CELSR1: variants seen among roughly 807,000 people sequenced by gnomAD.
The protein encoded by CELSR1 is cadherin EGF LAG seven-pass G-type receptor 1, also known as adhesion G protein-coupled receptor C1.
Under a neutral mutation model 249.1 loss-of-function variants are expected in CELSR1, and 110 were observed. The ratio of observed to expected loss-of-function variants is 0.44; its 90% confidence interval spans 0.38 to 0.52. CELSR1 has a LOEUF of 0.52. CELSR1 is among the 20% of genes least tolerant of loss of function. The pLI is 0.00. For missense variants in CELSR1, 4,109 were observed against 4,296.4 expected (o/e 0.96, Z 1.22); for synonymous variants, 2,113 against 1,900.0 (o/e 1.11, Z -2.92).
rs1043910794 is a variant in CELSR1 at position 46,447,011 on chromosome 22, G to A, written c.4184-7600C>T. On this transcript the variant is annotated intron_variant, in intron 2 of 34. Transcript: ENST00000674500. The surrounding 1 kb of genome is among the most constrained non-coding windows in gnomAD (Gnocchi z 4.7). Reference sequence around the variant, plus strand: ...TGCACAGAAGATAAAGTTAAGCAAAGCGGGAGTGGATTACAGTACTGTTTA... The same window carrying A: ...TGCACAGAAGATAAAGTTAAGCAAAACGGGAGTGGATTACAGTACTGTTTA... Among the ~76,000 whole-genome samples, 2 of 152,160 alleles carry A rather than the reference G, an allele frequency of 1.3e-5. No individual in the cohort carries two copies. The highest frequency in any genetic ancestry group is 4.8e-5 in the African/African-American group (2 of 41,516).
At position 46,396,570 on chromosome 22, in the gene CELSR1, T is replaced by C. The variant is rs763889196; in HGVS notation, c.5843+35A>G. ...CGAGGGAACACAGCCACATGGACTC[T>C]GAAGGTGCAGGGAGGCACCAGGGGC... On this transcript the variant is annotated intron_variant, in intron 13 of 34. Transcript: ENST00000674500. This position sits in a 1 kb window ranked among gnomAD's most constrained non-coding sequence, Gnocchi z 6.4. The C allele has an allele frequency of 6.6e-7, 1 of 1,506,440 alleles. No individual in the cohort carries two copies. Among genetic ancestry groups the C allele is most frequent in the Non-Finnish European group, 8.8e-7 (1 of 1,130,264 alleles). The allele number at this position is 1,506,440 out of a possible 1,614,324, so 93.3% of individuals were successfully genotyped here.
rs905810877 is a variant in CELSR1 at position 46,440,512 on chromosome 22, T to C, written c.4184-1101A>G. ...CCGCGCCCGGCCAGTATGATCAATCTTTAAAATATTTTGCATCTCTGACAA... is the reference window on the plus strand; with the variant it reads ...CCGCGCCCGGCCAGTATGATCAATCCTTAAAATATTTTGCATCTCTGACAA... On this transcript the variant is annotated intron_variant, in intron 2 of 34. Coordinates refer to ENST00000674500, the MANE Select transcript of CELSR1 (RefSeq NM_001378328.1). The surrounding 1 kb of genome is among the most constrained non-coding windows in gnomAD (Gnocchi z 4.7). Among the ~76,000 whole-genome samples the C allele has an allele frequency of 5.3e-5, 8 of 152,248 alleles. No homozygotes were observed. Among genetic ancestry groups the C allele is most frequent in the African/African-American group, 1.9e-4 (8 of 41,470 alleles).
At chr22:46,531,185 T>TTTTTTTTA (rs765028338) in intron 1 of CELSR1, among the ~76,000 whole-genome samples, 1 of 147,944 alleles carries the variant, frequency 6.8e-6, no homozygotes, top group Non-Finnish European at 1.5e-5. Context: ...CTGCGCATCC[T>TTTTTTTTA]TTTATTTATT....
Position 46,534,023 on chromosome 22 carries a change from C to T in CELSR1, c.3148G>A (p.Asp1050Asn), listed in dbSNP as rs772486959. The T allele has an allele frequency of 1.9e-6, 3 of 1,613,720 alleles. No individual in the cohort carries two copies. The highest frequency in any genetic ancestry group is 2.5e-6 in the Non-Finnish European group (3 of 1,180,038). ...GCACGCAGGTCCCCGTTGAGCAGGT[C>T]CAGCTGGAAGAAATGCCGCATGTCC... ...EGDMRHFFQL[D>N]LLNGDLRAMV... Residue 1050 changes from aspartate (D) to asparagine (N), a missense_variant, in exon 1 of 35, where the codon GAC becomes AAC. Around this residue, in one of 7 missense-constraint regions of CELSR1, gnomAD observed 886 missense variants for 896.5 expected, o/e 0.99. Coordinates refer to ENST00000674500, the MANE Select transcript of CELSR1 (RefSeq NM_001378328.1). The surrounding 1 kb of genome is among the most constrained non-coding windows in gnomAD (Gnocchi z 9.7).
chr22:46,377,677 T>A (rs1276301288), intron 23 of CELSR1: 1 of 221,906 alleles, frequency 4.5e-6, no homozygotes, highest in Non-Finnish European at 9.1e-6. Context: ...ATGAACAAAC[T>A]CCACTAATCA....
At chr22:46,385,179 C>T (rs1483395974) in intron 19 of CELSR1, among the ~76,000 whole-genome samples, 7 of 152,200 alleles carry the variant, frequency 4.6e-5, no homozygotes, top group African/African-American at 1.4e-4. Context: ...ACTGTAGCCT[C>T]GTCCTCCTGC....
rs1273945095 is a variant in CELSR1 at position 46,446,587 on chromosome 22, T to C, written c.4184-7176A>G. 6.6e-6 allele frequency among the ~76,000 whole-genome samples: 1 copy of C among 151,086 alleles called. No homozygotes were observed. Among genetic ancestry groups the C allele is most frequent in the Non-Finnish European group, 1.5e-5 (1 of 67,862 alleles). ...GTGTGCAGGGCATATGCTGAGCACCTGGCAGGGAGGGTCGCAGGGGGTCGG... is the reference window on the plus strand; with the variant it reads ...GTGTGCAGGGCATATGCTGAGCACCCGGCAGGGAGGGTCGCAGGGGGTCGG... On this transcript the variant is annotated intron_variant, in intron 2 of 34. Coordinates refer to ENST00000674500, the MANE Select transcript of CELSR1 (RefSeq NM_001378328.1). This position sits in a 1 kb window ranked among gnomAD's most constrained non-coding sequence, Gnocchi z 5.5.
chr22:46,457,237 C>T lies in CELSR1; in HGVS notation c.4183+6470G>A, dbSNP rs976883838. Among the ~76,000 whole-genome samples, 7 of 152,014 alleles carry T rather than the reference C, an allele frequency of 4.6e-5. No homozygotes were observed. The East Asian group carries it at 5.8e-4, about 13-fold the overall frequency. ...GTGCATGCCTGTAATCCCAGCTACT[C>T]GGGAGGCTGAGGCCGGAGAATTACT... is the stretch of plus-strand genomic sequence containing the variant. On this transcript the variant is annotated intron_variant, in intron 2 of 34. Transcript: ENST00000674500.
intron 18 of CELSR1, among the ~76,000 whole-genome samples, 159 bp from the exon 19 acceptor site, chr22:46,386,744 T>TG: frequency 7.0e-6 from 1 of 143,450 alleles, no homozygotes; most frequent in African/African-American, 3.0e-5. Flanking sequence ...TGTTTTTTGT[T>TG]TTTTGTTGTT....
Position 46,448,391 on chromosome 22 carries a change from AT to A in CELSR1, c.4184-8981del, listed in dbSNP as rs1251340661. 6.6e-6 allele frequency among the ~76,000 whole-genome samples: 1 copy of A among 152,036 alleles called. No individual in the cohort carries two copies. The highest frequency in any genetic ancestry group is 2.4e-5 in the African/African-American group (1 of 41,382). ...TGCTCCAGGAGCTAGGAGAAGAGAG[AT>A]GCAGGGTCTCAGGGCTCACCTAGAG... is the stretch of plus-strand genomic sequence containing the variant. On this transcript the variant is annotated intron_variant, in intron 2 of 34. Transcript: ENST00000674500. This position sits in a 1 kb window ranked among gnomAD's most constrained non-coding sequence, Gnocchi z 5.7.
intron 1 of CELSR1, among the ~76,000 whole-genome samples, chr22:46,508,797 G>A (rs948982325): frequency 7.9e-5 from 12 of 152,070 alleles, no homozygotes; most frequent in South Asian, 2.1e-4. Context: ...CACGCCTGCC[G>A]CGTGAGAATG....
Position 46,374,161 on chromosome 22 carries a change from G to A in CELSR1, c.7585-1104C>T, listed in dbSNP as rs989884884. Among the ~76,000 whole-genome samples, 2 of 152,206 alleles carry A rather than the reference G, an allele frequency of 1.3e-5. No individual in the cohort carries two copies. The highest frequency in any genetic ancestry group is 1.3e-4 in the Admixed American group (2 of 15,284). On this transcript the variant is annotated intron_variant, in intron 24 of 34. Transcript: ENST00000674500. This position sits in a 1 kb window ranked among gnomAD's most constrained non-coding sequence, Gnocchi z 4.3. ...TGTGGCCTCGGTCAGGAAAGGAGGC[G>A]CGAGCGTGTGGCTGGAGAACTCTAC...
intron 5 of CELSR1, among the ~76,000 whole-genome samples, chr22:46,432,655 C>A (rs2079609026): frequency 6.6e-6 from 1 of 152,234 alleles, no homozygotes; most frequent in Non-Finnish European, 1.5e-5. Flanking sequence ...ACCAAAACCA[C>A]CCAGCCTTCA....
At chr22:46,533,603 C>A (rs986037693) in intron 1 of CELSR1, 24 bp downstream of exon 1, 1 of 1,531,766 alleles carries the variant, frequency 6.5e-7, no homozygotes, top group African/African-American at 1.4e-5. Context: ...AGGAGCTACT[C>A]CTCCCACCCC....
chr22:46,372,698 C>T (rs954378429), intron 25 of CELSR1, among the ~76,000 whole-genome samples, 185 bp downstream of exon 25: 2 of 152,120 alleles, frequency 1.3e-5, no homozygotes, highest in Non-Finnish European at 2.9e-5. Context: ...CAGAAGACGT[C>T]GCCCCAGGTG....
intron 1 of CELSR1, among the ~76,000 whole-genome samples, chr22:46,530,825 C>T (rs1312025706): frequency 6.6e-6 from 1 of 152,246 alleles, no homozygotes; most frequent in Non-Finnish European, 1.5e-5. Flanking sequence ...CCCTCCTGGG[C>T]TCCTCTGCTG....
At chr22:46,442,631 A>G (rs2079765182) in intron 2 of CELSR1, among the ~76,000 whole-genome samples, 1 of 152,262 alleles carries the variant, frequency 6.6e-6, no homozygotes, top group Middle Eastern at 3.2e-3. Flanking sequence ...AAAGCCTGTC[A>G]ATCCTCCAAG....
chr22:46,464,260 G>A lies in CELSR1; in HGVS notation c.3630C>T (p.Arg1210=). 1 of 1,613,732 alleles carries A rather than the reference G, an allele frequency of 6.2e-7. No homozygotes were observed. The highest frequency in any genetic ancestry group is 2.2e-5 in the East Asian group (1 of 44,876). The part of the protein sequence containing the change: ...DDMLTNSITV[R]LENMSQEKFL... The stretch of plus-strand genomic sequence containing the variant: ...ACTTCTCCTGGGACATGTTCTCCAG[G>A]CGGACAGTGATGCTGTTGGTCAGCA... Residue 1210 remains arginine, a synonymous_variant, in exon 2 of 35, where the codon CGC becomes CGT. Transcript: ENST00000674500. This position sits in a 1 kb window ranked among gnomAD's most constrained non-coding sequence, Gnocchi z 8.5.
At position 46,380,821 on chromosome 22, in the gene CELSR1, T is replaced by A; in HGVS notation, c.7223A>T (p.Lys2408Met). 6.2e-7 allele frequency: 1 copy of A among 1,612,190 alleles called. No individual in the cohort carries two copies. Among genetic ancestry groups the A allele is most frequent in the Non-Finnish European group, 8.5e-7 (1 of 1,179,802 alleles). The change falls in exon 22 of 35, where the codon AAG becomes ATG. Residue 2408 changes from lysine (K) to methionine (M), a missense_variant. This residue lies in a region of CELSR1 where 1,805 missense variants were observed against 1,831.6 expected (regional missense o/e 0.99). Coordinates refer to ENST00000674500, the MANE Select transcript of CELSR1 (RefSeq NM_001378328.1). The surrounding 1 kb of genome is among the most constrained non-coding windows in gnomAD (Gnocchi z 5.1). ...FALLEVEERT[K>M]PVCVFWNHSL... Reference sequence around the variant, plus strand: ...GTGGTTCCAGAACACGCAGACAGGCTTGGTTCGCTCCTCCACCTCCAGCAG... The same window carrying A: ...GTGGTTCCAGAACACGCAGACAGGCATGGTTCGCTCCTCCACCTCCAGCAG...
Sources: gnomAD v4.1 joint callset for allele counts (sites outside exome capture counted in the v4.1 genomes callset) on GRCh38, gnomAD v4.1.1 for gene constraint, gnomAD v4.1.1 regional missense constraint, Gnocchi (gnomAD v3.1) non-coding constraint, MANE v1.5 for transcripts, NCBI Gene and HGNC (gene_info 2026-07-23, HGNC 2026-07-21) for gene names.